The following BICD1 variants were observed in gnomAD, a reference collection of about 807,000 sequenced individuals.
BICD1 encodes the protein protein bicaudal D homolog 1.
In BICD1, 35 loss-of-function variants were observed where a neutral mutation model predicts 92.5. The observed-to-expected ratio is 0.38, with a 90% CI of 0.29 to 0.50. The LOEUF is 0.50. Ranked by LOEUF, BICD1 falls within the 20% of genes least tolerant of loss-of-function variation. The probability of loss-of-function intolerance (pLI) is 0.93; values close to 1 mark genes in which losing one functional copy is unlikely to be tolerated. For missense variants in BICD1, 950 were observed against 1,189.8 expected, an observed-to-expected ratio of 0.80 and a Z score of 2.97; for synonymous variants, 429 against 465.1, an observed-to-expected ratio of 0.92 and a Z score of 1.00.
chr12:32,329,107 T>TA (rs1721243051), intron 5 of BICD1, among the ~76,000 whole-genome samples: 1 of 151,996 alleles, frequency 6.6e-6, no homozygotes, highest in Non-Finnish European at 1.5e-5. Context: ...TTATTATTAT[T>TA]TTTTATTTTT....
rs538925243 is a variant in BICD1 at position 32,327,957 on chromosome 12, T to C, written c.1502T>C (p.Leu501Pro). ...ATAGCCAACGAAAATCACAGTACCC[T>C]TAATACGGCCCAGGATGAGTTAGTG... The part of the protein sequence containing the change: ...TSIANENHST[L>P]NTAQDELVTF... Residue 501 changes from leucine (L) to proline (P), a missense_variant, in exon 5 of 10, where the codon CTT becomes CCT. Around this residue, in one of 5 missense-constraint regions of BICD1, gnomAD observed 309 missense variants for 499.4 expected, o/e 0.62. Transcript: ENST00000652176. 6.2e-7 allele frequency: 1 copy of C among 1,614,140 alleles called. No individual in the cohort carries two copies. The highest frequency in any genetic ancestry group is 1.1e-5 in the South Asian group (1 of 91,078).
chr12:32,238,448 G>A (rs185524910), intron 2 of BICD1, among the ~76,000 whole-genome samples: 1 of 152,188 alleles, frequency 6.6e-6, no homozygotes, highest in East Asian at 1.9e-4. Flanking sequence ...AAGACACTGT[G>A]AAAGTTGTCG....
At chr12:32,178,044 T>C (rs115364281) in intron 1 of BICD1, among the ~76,000 whole-genome samples, 1,934 of 151,496 alleles carry the variant, frequency 0.013, 50 homozygotes, top group African/African-American at 0.044. Flanking sequence ...TAAAATCTTA[T>C]GGGGGAAAAA....
chr12:32,328,168 G>A lies in BICD1; in HGVS notation c.1713G>A (p.Pro571=), dbSNP rs202218997. ...TAGCCAGGCGGGGTGTGTCATCCCCGGTAGAAACAAGGACCTCATCTGAAC... is the reference window on the plus strand; with the variant it reads ...TAGCCAGGCGGGGTGTGTCATCCCCAGTAGAAACAAGGACCTCATCTGAAC... ...PRLARRGVSS[P]VETRTSSEPV... is the part of the protein sequence containing the mutation. Residue 571 remains proline, a synonymous_variant, in exon 5 of 10, where the codon CCG becomes CCA. Transcript: ENST00000652176. The surrounding 1 kb of genome is among the most constrained non-coding windows in gnomAD (Gnocchi z 4.4). The A allele has an allele frequency of 9.3e-6, 15 of 1,613,950 alleles. No homozygotes were observed. Among genetic ancestry groups the A allele is most frequent in the Admixed American group, 3.3e-5 (2 of 59,986 alleles).
At chr12:32,154,850 TA>T (rs1325086785) in intron 1 of BICD1, among the ~76,000 whole-genome samples, 1 of 152,210 alleles carries the variant, frequency 6.6e-6, no homozygotes, top group Non-Finnish European at 1.5e-5. Context: ...AATCATACAC[TA>T]AATGGTATCT....
At chr12:32,339,594 T>C (rs1048404785) in intron 8 of BICD1, 22 of 985,256 alleles carry the variant, frequency 2.2e-5, no homozygotes, top group Middle Eastern at 5.2e-4. Context: ...CTTCCTTCCT[T>C]CCTTTCATTC....
intron 9 of BICD1, among the ~76,000 whole-genome samples, chr12:32,376,010 A>G (rs974269744): frequency 2.6e-5 from 4 of 152,182 alleles, no homozygotes; most frequent in Non-Finnish European, 4.4e-5. Context: ...AGGGAATATA[A>G]CAGAGTTTTA....
intron 9 of BICD1, among the ~76,000 whole-genome samples, chr12:32,375,195 G>A (rs1339008072): frequency 6.6e-6 from 1 of 151,810 alleles, no homozygotes; most frequent in African/African-American, 2.4e-5. Flanking sequence ...GAAGTGCTGG[G>A]ATTACAGGCG....
chr12:32,310,472 C>A (rs1300127022), intron 4 of BICD1, among the ~76,000 whole-genome samples: 1 of 152,244 alleles, frequency 6.6e-6, no homozygotes, highest in East Asian at 1.9e-4. Context: ...GTTTGTGTCC[C>A]GCAGCTCAAT....
chr12:32,145,314 A>C (rs1436287498), intron 1 of BICD1, among the ~76,000 whole-genome samples: 1 of 152,230 alleles, frequency 6.6e-6, no homozygotes, highest in African/African-American at 2.4e-5. Context: ...GTAGAGGAAA[A>C]GGCCACAGAC....
At chr12:32,133,882 C>T (rs570367710) in intron 1 of BICD1, among the ~76,000 whole-genome samples, 2 of 151,188 alleles carry the variant, frequency 1.3e-5, no homozygotes, top group African/African-American at 2.4e-5. Flanking sequence ...CCCGGGTTCA[C>T]GCCATTCTTC....
intron 2 of BICD1, among the ~76,000 whole-genome samples, chr12:32,267,646 T>G (rs1381921537): frequency 6.6e-6 from 1 of 152,208 alleles, no homozygotes; most frequent in East Asian, 1.9e-4. Context: ...ATTTAAGAAA[T>G]TCTCTGCTGC....
chr12:32,134,433 T>C (rs1244017359), intron 1 of BICD1, among the ~76,000 whole-genome samples: 1 of 152,196 alleles, frequency 6.6e-6, no homozygotes, highest in African/African-American at 2.4e-5. Flanking sequence ...CTAGGTAAAG[T>C]GGTCCAGAGA....
At chr12:32,137,181 T>A (rs1040411687) in intron 1 of BICD1, among the ~76,000 whole-genome samples, 1 of 152,148 alleles carries the variant, frequency 6.6e-6, no homozygotes, top group Non-Finnish European at 1.5e-5. Context: ...CTACACTGCC[T>A]GGGTTCAAGA....
chr12:32,366,492 G>A (rs1939529923), intron 8 of BICD1, among the ~76,000 whole-genome samples: 3 of 152,188 alleles, frequency 2.0e-5, no homozygotes, highest in Non-Finnish European at 2.9e-5. Context: ...GGTGGCACAT[G>A]CCTGTAATCC....
At chr12:32,117,711 T>TATACAC (rs1555126355) in intron 1 of BICD1, among the ~76,000 whole-genome samples, 8,772 of 116,206 alleles carry the variant, frequency 0.075, 479 homozygotes, top group African/African-American at 0.14. Flanking sequence ...CAAATATATA[T>TATACAC]ACACACACAC....
intron 2 of BICD1, among the ~76,000 whole-genome samples, chr12:32,229,105 G>A (rs1489647721): frequency 6.6e-6 from 1 of 152,074 alleles, no homozygotes; most frequent in East Asian, 1.9e-4. Context: ...CAAAAAATTA[G>A]CCGGGCGTGG....
intron 4 of BICD1, among the ~76,000 whole-genome samples, chr12:32,319,943 T>G (rs1007805324): frequency 2.0e-5 from 3 of 152,196 alleles, no homozygotes; most frequent in Non-Finnish European, 4.4e-5. Flanking sequence ...TGACTGACTT[T>G]TGTGTGTTAG....
intron 4 of BICD1, among the ~76,000 whole-genome samples, chr12:32,307,977 A>C (rs866626342): frequency 6.6e-6 from 1 of 152,212 alleles, no homozygotes; most frequent in African/African-American, 2.4e-5. Context: ...GCAGAAGATA[A>C]TAGGAAAAGA....
Sources: gnomAD v4.1 joint callset for allele counts (sites outside exome capture counted in the v4.1 genomes callset) on GRCh38, gnomAD v4.1.1 for gene constraint, gnomAD v4.1.1 regional missense constraint, Gnocchi (gnomAD v3.1) non-coding constraint, MANE v1.5 for transcripts, NCBI Gene and HGNC (gene_info 2026-07-23, HGNC 2026-07-21) for gene names.